Variants in PPFIA2 observed in about 807,000 individuals in gnomAD.
PPFIA2 encodes the protein liprin-alpha-2.
A neutral mutation model predicts 175.5 loss-of-function variants in PPFIA2; 46 were observed. The observed-to-expected ratio is 0.26, with a 90% CI of 0.21 to 0.34. PPFIA2 has a LOEUF of 0.34. Ranked by LOEUF, PPFIA2 falls within the 10% of genes least tolerant of loss-of-function variation. The probability of loss-of-function intolerance (pLI) is 1.00; values close to 1 mark genes in which losing one functional copy is unlikely to be tolerated. For synonymous variants in PPFIA2, 568 were observed against 511.4 expected, an observed-to-expected ratio of 1.11 and a Z score of -1.49; for missense variants, 1,179 against 1,506.1, an observed-to-expected ratio of 0.78 and a Z score of 3.60.
chr12:81,753,854 C>T, intron 3 of PPFIA2, 119 bp downstream of exon 3: 1 of 1,285,402 alleles, frequency 7.8e-7, no homozygotes, highest in Non-Finnish European at 1.1e-6. Flanking sequence ...AAGTTGTTCT[C>T]ACCAAAACGT....
intron 4 of PPFIA2, among the ~76,000 whole-genome samples, chr12:81,584,443 T>A (rs1417433125): frequency 6.6e-6 from 1 of 151,732 alleles, no homozygotes; most frequent in Non-Finnish European, 1.5e-5. Context: ...AGCTGGATCA[T>A]CTTAAAAAGA....
intron 4 of PPFIA2, 110 bp from the exon 5 acceptor site, chr12:81,457,976 C>A (rs908499901): frequency 9.9e-5 from 66 of 669,454 alleles, no homozygotes; most frequent in Non-Finnish European, 1.5e-4. Context: ...ACCCCACTGA[C>A]TGGTCAACAT....
rs145963092 is a variant in PPFIA2 at position 81,379,143 on chromosome 12, G to A, written c.985-3201C>T. The stretch of plus-strand genomic sequence containing the variant: ...GAGATTCAATTTTTAACTGCAGGCT[G>A]TGTTGCCAAAAATAAACTGGATTTA... On this transcript the variant is annotated intron_variant, in intron 9 of 32. Transcript: ENST00000549396. Among the ~76,000 whole-genome samples, 262 of 152,208 alleles carry A rather than the reference G, an allele frequency of 1.7e-3. 4 individuals carry two copies. Among genetic ancestry groups the A allele is most frequent in the Admixed American group, 0.014 (216 of 15,270 alleles).
At chr12:81,453,637 C>T (rs891991278) in intron 5 of PPFIA2, among the ~76,000 whole-genome samples, 1 of 151,916 alleles carries the variant, frequency 6.6e-6, no homozygotes, top group Non-Finnish European at 1.5e-5. Context: ...TAAATATCCA[C>T]TATAATTTTT....
At chr12:81,657,358 A>G (rs957180999) in intron 4 of PPFIA2, among the ~76,000 whole-genome samples, 1 of 152,224 alleles carries the variant, frequency 6.6e-6, no homozygotes, top group Admixed American at 6.5e-5. Context: ...TTGCCAAAAG[A>G]GATAGAATGC....
At position 81,258,259 on chromosome 12, in the gene PPFIA2, A is replaced by AGAG. The variant is rs2034399415; in HGVS notation, c.*1432_*1434dup. 1.3e-5 allele frequency: 2 copies of AGAG among 152,196 alleles called. No individual in the cohort carries two copies. The highest frequency in any genetic ancestry group is 4.8e-5 in the African/African-American group (2 of 41,468). 9.4% of individuals were successfully genotyped at this position (152,196 alleles called of 1,614,324 possible). A position where few individuals can be genotyped will look rare whatever the true frequency, so the allele number is the denominator to read the frequency against. On this transcript the variant is annotated 3_prime_UTR_variant, in exon 33 of 33. Coordinates refer to ENST00000549396, the MANE Select transcript of PPFIA2 (RefSeq NM_003625.5). Reference sequence around the variant, plus strand: ...TGTGACTAGAAAACAAAGCTTAAACAGAGAACTGGAATTATTATTTTTTTT... The same window carrying AGAG: ...TGTGACTAGAAAACAAAGCTTAAACAGAGGAGAACTGGAATTATTATTTTTTTT...
intron 4 of PPFIA2, among the ~76,000 whole-genome samples, chr12:81,466,370 G>A (rs974573751): frequency 2.6e-5 from 4 of 152,060 alleles, no homozygotes; most frequent in Non-Finnish European, 4.4e-5. Flanking sequence ...TCATTCCCTT[G>A]GTAGATGTGT....
At chr12:81,569,866 G>A (rs1195206543) in intron 4 of PPFIA2, among the ~76,000 whole-genome samples, 1 of 152,070 alleles carries the variant, frequency 6.6e-6, no homozygotes, top group East Asian at 1.9e-4. Context: ...GGTTAGAAAT[G>A]ATTATGTCAA....
chr12:81,563,403 C>T (rs1161766461), intron 4 of PPFIA2, among the ~76,000 whole-genome samples: 1 of 152,154 alleles, frequency 6.6e-6, no homozygotes, highest in Non-Finnish European at 1.5e-5. Context: ...AAGAGGTAGT[C>T]CAACTTCACT....
chr12:81,479,943 ATGTTT>A (rs1294633767), intron 4 of PPFIA2, among the ~76,000 whole-genome samples: 315 of 152,136 alleles, frequency 2.1e-3, no homozygotes, highest in African/African-American at 7.3e-3. Context: ...CTGAATTTGA[ATGTTT>A]GGCCTGTCTT....
intron 3 of PPFIA2, among the ~76,000 whole-genome samples, chr12:81,706,719 A>T (rs1170444004): frequency 6.6e-6 from 1 of 152,156 alleles, no homozygotes; most frequent in African/African-American, 2.4e-5. Flanking sequence ...CGCATAGCCA[A>T]GACAATCCTA....
chr12:81,430,627 A>G (rs2047938934), intron 7 of PPFIA2: 1 of 151,430 alleles, frequency 6.6e-6, no homozygotes, highest in South Asian at 2.1e-4. Flanking sequence ...CTTGAGTCTC[A>G]TATCTCTCCT....
intron 4 of PPFIA2, among the ~76,000 whole-genome samples, chr12:81,492,338 G>A (rs1409548890): frequency 6.6e-6 from 1 of 152,002 alleles, no homozygotes; most frequent in East Asian, 1.9e-4. Context: ...TATAGTAGCA[G>A]ACTAAATTTA....
At position 81,620,211 on chromosome 12, in the gene PPFIA2, T is replaced by C. The variant is rs181902712; in HGVS notation, c.303+56580A>G. ...GAAAGGCAATTCTAGTAGAGATAAG[T>C]TGACTGGATAAATAAAAAATAATTT... On this transcript the variant is annotated intron_variant, in intron 4 of 32. Coordinates refer to ENST00000549396, the MANE Select transcript of PPFIA2 (RefSeq NM_003625.5). Among the ~76,000 whole-genome samples the C allele has an allele frequency of 2.0e-5, 3 of 147,692 alleles. No homozygotes were observed. The East Asian group carries it at 5.9e-4, about 29-fold the overall frequency.
At chr12:81,341,760 A>T (rs2058122609) in intron 19 of PPFIA2, among the ~76,000 whole-genome samples, 1 of 152,146 alleles carries the variant, frequency 6.6e-6, no homozygotes, top group Non-Finnish European at 1.5e-5. Flanking sequence ...TTATAACATC[A>T]GAATATAAAC....
chr12:81,592,372 T>C lies in PPFIA2; in HGVS notation c.303+84419A>G, dbSNP rs112911054. Among the ~76,000 whole-genome samples, 971 of 152,192 alleles carry C rather than the reference T, an allele frequency of 6.4e-3. 38 individuals are homozygous for C. The East Asian group carries it at 0.096, about 15-fold the overall frequency. Reference sequence around the variant, plus strand: ...ATTTTGGGGGACTGTTGGGAAGGCATGATTGGTTTTAAAATGTGAGAACAA... The same window carrying C: ...ATTTTGGGGGACTGTTGGGAAGGCACGATTGGTTTTAAAATGTGAGAACAA... On this transcript the variant is annotated intron_variant, in intron 4 of 32. Coordinates refer to ENST00000549396, the MANE Select transcript of PPFIA2 (RefSeq NM_003625.5).
chr12:81,585,188 C>T (rs552385284), intron 4 of PPFIA2, among the ~76,000 whole-genome samples: 86 of 148,642 alleles, frequency 5.8e-4, no homozygotes, highest in Non-Finnish European at 7.6e-4. Flanking sequence ...CTGCAAATTG[C>T]TCTGGGTGAA....
intron 4 of PPFIA2, among the ~76,000 whole-genome samples, chr12:81,626,689 A>G (rs146692683): frequency 5.8e-4 from 89 of 152,190 alleles, no homozygotes; most frequent in African/African-American, 2.0e-3. Context: ...CAGAAATTCA[A>G]TTAGAGGACT....
intron 4 of PPFIA2, among the ~76,000 whole-genome samples, chr12:81,511,109 T>C (rs2061738269): frequency 6.6e-6 from 1 of 152,088 alleles, no homozygotes; most frequent in East Asian, 1.9e-4. Context: ...AATCTGTTAA[T>C]TTTCAAGCAA....
Sources: allele counts gnomAD v4.1 joint callset (sites outside exome capture counted in the v4.1 genomes callset), GRCh38; gene constraint gnomAD v4.1.1; transcripts MANE v1.5; gene names NCBI Gene and HGNC (gene_info 2026-07-23, HGNC 2026-07-21).